The following NR3C2 variants were observed in gnomAD, a reference collection of about 807,000 sequenced individuals.
NR3C2 encodes the protein mineralocorticoid receptor.
NR3C2 carries 15 observed loss-of-function variants against 86.4 expected under a neutral mutation model. The ratio of observed to expected loss-of-function variants is 0.17; its 90% CI spans 0.12 to 0.27. The LOEUF is 0.27. NR3C2 is among the 10% of genes least tolerant of loss of function. The probability of loss-of-function intolerance (pLI) is 1.00; values close to 1 mark genes in which losing one functional copy is unlikely to be tolerated. For synonymous variants in NR3C2, 458 were observed against 450.5 expected, an observed-to-expected ratio of 1.02 and a Z score of -0.21; for missense variants, 960 against 1,195.6, an observed-to-expected ratio of 0.80 and a Z score of 2.91.
At chr4:148,211,929 A>T (rs1191096308) in intron 3 of NR3C2, among the ~76,000 whole-genome samples, 1 of 152,222 alleles carries the variant, frequency 6.6e-6, no homozygotes, top group Non-Finnish European at 1.5e-5. Flanking sequence ...GTCAATTATC[A>T]TCAGCTCATT....
intron 3 of NR3C2, among the ~76,000 whole-genome samples, chr4:148,199,591 T>A (rs2149806867): frequency 6.6e-6 from 1 of 152,286 alleles, no homozygotes; most frequent in South Asian, 2.1e-4. Flanking sequence ...AGGAAAACTG[T>A]ACCCCTGCAG....
intron 6 of NR3C2, among the ~76,000 whole-genome samples, chr4:148,138,289 C>T (rs1033039663): frequency 4.6e-5 from 7 of 152,194 alleles, no homozygotes; most frequent in African/African-American, 7.2e-5. Context: ...AAAACAGATA[C>T]GGAGAAATAA....
At chr4:148,190,864 C>A (rs902025836) in intron 4 of NR3C2, among the ~76,000 whole-genome samples, 3 of 151,982 alleles carry the variant, frequency 2.0e-5, no homozygotes, top group African/African-American at 7.2e-5. Flanking sequence ...TATATGAGTC[C>A]TTGTGTGTTA....
At chr4:148,240,083 A>T (rs1738944580) in intron 3 of NR3C2, among the ~76,000 whole-genome samples, 1 of 152,080 alleles carries the variant, frequency 6.6e-6, no homozygotes, top group Non-Finnish European at 1.5e-5. Flanking sequence ...ATTAAAAAGT[A>T]AAAATAAGTA....
intron 2 of NR3C2, among the ~76,000 whole-genome samples, chr4:148,428,233 G>A (rs532121210): frequency 1.9e-4 from 29 of 152,196 alleles, no homozygotes; most frequent in Middle Eastern, 3.4e-3. Context: ...CCATTCCAGC[G>A]GGAGACAGTG....
intron 3 of NR3C2, among the ~76,000 whole-genome samples, chr4:148,239,302 G>A (rs1490445616): frequency 6.6e-6 from 1 of 152,188 alleles, no homozygotes; most frequent in Non-Finnish European, 1.5e-5. Flanking sequence ...CTTAAGGCCA[G>A]GGTCCCAGTC....
intron 2 of NR3C2, among the ~76,000 whole-genome samples, chr4:148,421,802 T>C (rs926567159): frequency 1.3e-5 from 2 of 152,242 alleles, no homozygotes; most frequent in Non-Finnish European, 2.9e-5. Context: ...GGCTAGGCCA[T>C]GTTCACAGAA....
intron 2 of NR3C2, among the ~76,000 whole-genome samples, chr4:148,376,910 C>T (rs1427690555): frequency 6.6e-6 from 1 of 151,946 alleles, no homozygotes; most frequent in Non-Finnish European, 1.5e-5. Context: ...ACTCTTTTTC[C>T]TCAAAGTTAT....
intron 4 of NR3C2, among the ~76,000 whole-genome samples, chr4:148,182,391 T>C (rs187549637): frequency 6.6e-6 from 1 of 152,300 alleles, no homozygotes; most frequent in East Asian, 1.9e-4. Context: ...CTAATAAAAG[T>C]TAATTATTTA....
chr4:148,302,910 C>G (rs1301132677), intron 2 of NR3C2, among the ~76,000 whole-genome samples: 1 of 151,474 alleles, frequency 6.6e-6, no homozygotes, highest in Non-Finnish European at 1.5e-5. Context: ...CTCTTGAGAC[C>G]TCAAGAAGAG....
chr4:148,098,978 T>A (rs945463816), intron 8 of NR3C2, among the ~76,000 whole-genome samples: 2 of 152,188 alleles, frequency 1.3e-5, no homozygotes, highest in Non-Finnish European at 2.9e-5. Context: ...AGCATATCAG[T>A]GAGTCCCTTG....
intron 2 of NR3C2, among the ~76,000 whole-genome samples, chr4:148,300,097 G>A (rs1255369660): frequency 6.6e-6 from 1 of 152,166 alleles, no homozygotes; most frequent in African/African-American, 2.4e-5. Context: ...GTTGAAGCTG[G>A]CCCAGCAAAC....
intron 4 of NR3C2, among the ~76,000 whole-genome samples, chr4:148,178,074 A>C (rs1367674592): frequency 6.6e-6 from 1 of 152,230 alleles, no homozygotes; most frequent in Non-Finnish European, 1.5e-5. Context: ...GCAGTGGCTC[A>C]CGCCTGTAAT....
At chr4:148,111,568 A>G (rs1732047072) in intron 8 of NR3C2, among the ~76,000 whole-genome samples, 1 of 152,246 alleles carries the variant, frequency 6.6e-6, no homozygotes, top group African/African-American at 2.4e-5. Flanking sequence ...CAAGCTGGTA[A>G]CAACCCAAAC....
chr4:148,343,400 C>T (rs190944357), intron 2 of NR3C2, among the ~76,000 whole-genome samples: 1 of 120,826 alleles, frequency 8.3e-6, no homozygotes, highest in African/African-American at 3.2e-5. Context: ...GGGATATCCG[C>T]CCCCCCGACC....
rs180830151 is a variant in NR3C2, at chr4:148,425,827, C to G, written c.1757+9277G>C. ...TCTCAAATACCTGCTTCTTCATTTGCCTTCACTATAGGGCCTTAGGCAAAT... is the reference window on the plus strand; with the variant it reads ...TCTCAAATACCTGCTTCTTCATTTGGCTTCACTATAGGGCCTTAGGCAAAT... On this transcript the variant is annotated intron_variant, in intron 2 of 8. Coordinates refer to ENST00000358102, the MANE Select transcript of NR3C2 (RefSeq NM_000901.5). Among the ~76,000 whole-genome samples, 23 of 152,246 alleles carry G rather than the reference C, an allele frequency of 1.5e-4. No individual in the cohort carries two copies. The East Asian group carries it at 4.4e-3, about 29-fold the overall frequency.
At chr4:148,196,532 T>C (rs1736449493) in intron 3 of NR3C2, among the ~76,000 whole-genome samples, 1 of 152,190 alleles carries the variant, frequency 6.6e-6, no homozygotes, top group Admixed American at 6.5e-5. Flanking sequence ...TACTGCAAAG[T>C]AGTGAACAGG....
chr4:148,085,793 G>C (rs889129740), intron 8 of NR3C2, among the ~76,000 whole-genome samples: 10 of 152,152 alleles, frequency 6.6e-5, no homozygotes, highest in African/African-American at 2.2e-4. Flanking sequence ...AAATGATAAA[G>C]TAGATGTCAC....
intron 8 of NR3C2, among the ~76,000 whole-genome samples, chr4:148,083,047 G>T (rs1730652551): frequency 6.6e-6 from 1 of 152,166 alleles, no homozygotes; most frequent in African/African-American, 2.4e-5. Context: ...TCTGGGCAAA[G>T]CATCTCTGAA....
Sources: allele counts gnomAD v4.1 joint callset (sites outside exome capture counted in the v4.1 genomes callset), GRCh38; gene constraint gnomAD v4.1.1; transcripts MANE v1.5; gene names NCBI Gene and HGNC (gene_info 2026-07-23, HGNC 2026-07-21).